CPNE2: variants seen among roughly 807,000 people sequenced by gnomAD.
CPNE2 encodes the protein copine-2.
A neutral mutation model predicts 69.7 loss-of-function variants in CPNE2; 42 were observed. The observed-to-expected ratio is 0.60, with a 90% CI of 0.47 to 0.78. CPNE2 has a LOEUF of 0.78. CPNE2 is among the 30% of genes least tolerant of loss of function. The pLI is 0.00. For synonymous variants in CPNE2, 294 were observed against 289.8 expected, an observed-to-expected ratio of 1.01 and a Z score of -0.15; for missense variants, 587 against 732.0, an observed-to-expected ratio of 0.80 and a Z score of 2.29.
rs1022853121 is a variant in CPNE2 at position 57,130,530 on chromosome 16, C to T, written c.1116+2627C>T. ...GCATTTATTGGGCCCTTAGAATGTT[C>T]TAGATACCACTCTGCCTGCTTTACC... On this transcript the variant is annotated intron_variant, in intron 12 of 15. Coordinates refer to ENST00000290776, the MANE Select transcript of CPNE2 (RefSeq NM_152727.6). The surrounding 1 kb of genome is among the most constrained non-coding windows in gnomAD (Gnocchi z 4.1). Among the ~76,000 whole-genome samples the T allele has an allele frequency of 6.6e-6, 1 of 151,998 alleles. No individual in the cohort carries two copies. Among genetic ancestry groups the T allele is most frequent in the Non-Finnish European group, 1.5e-5 (1 of 67,998 alleles).
At position 57,112,432 on chromosome 16, in the gene CPNE2, C is replaced by A. The variant is rs566898614; in HGVS notation, c.181-856C>A. Among the ~76,000 whole-genome samples the A allele has an allele frequency of 1.3e-4, 20 of 152,052 alleles. 1 individual carries two copies. In the South Asian group the frequency reaches 3.9e-3, roughly 30 times the overall value. On this transcript the variant is annotated intron_variant, in intron 2 of 15. Transcript: ENST00000290776. ...CACAATCCCCCACCCTCCCTGACAA[C>A]CTCTGCCCCCACCCAGGCCAGCCAC... is the stretch of plus-strand genomic sequence containing the variant.
chr16:57,116,354 ACAACCTCCCC>A (rs1465091182), intron 4 of CPNE2, among the ~76,000 whole-genome samples: 7 of 151,834 alleles, frequency 4.6e-5, no homozygotes, highest in Admixed American at 2.6e-4. Context: ...CACCTCCCAA[ACAACCTCCCC>A]CAACCTCTTG....
chr16:57,120,301 G>A (rs1361663370), intron 7 of CPNE2, among the ~76,000 whole-genome samples: 6 of 151,054 alleles, frequency 4.0e-5, no homozygotes, highest in Admixed American at 2.0e-4. Context: ...TAGGCCGGGC[G>A]CGGTGGCTCA....
chr16:57,121,089 C>T lies in CPNE2; in HGVS notation c.682-4C>T, dbSNP rs1369419498. 1 of 1,612,146 alleles carries T rather than the reference C, an allele frequency of 6.2e-7. No homozygotes were observed. The highest frequency in any genetic ancestry group is 1.1e-5 in the South Asian group (1 of 90,814). On this transcript the variant is annotated splice_region_variant and splice_polypyrimidine_tract_variant and intron_variant, in intron 7 of 15. Coordinates refer to ENST00000290776, the MANE Select transcript of CPNE2 (RefSeq NM_152727.6). ...CTGGGGTGACCGTGCTGAACCCACCCCAGGTCATGTGCTACGACTATGACA... is the reference window on the plus strand; with the variant it reads ...CTGGGGTGACCGTGCTGAACCCACCTCAGGTCATGTGCTACGACTATGACA...
At chr16:57,125,111 C>T (rs1451018482) in intron 10 of CPNE2, 1 of 336,820 alleles carries the variant, frequency 3.0e-6, no homozygotes, top group Non-Finnish European at 6.0e-6. Context: ...ACTTCTAACC[C>T]TCCCCTGCTG....
Position 57,147,980 on chromosome 16 carries a change from A to C in CPNE2, c.*322A>C, listed in dbSNP as rs2069972719. The C allele has an allele frequency of 4.3e-6, 1 of 230,158 alleles. No individual in the cohort carries two copies. The highest frequency in any genetic ancestry group is 8.4e-6 in the Non-Finnish European group (1 of 119,496). 14.3% of individuals were successfully genotyped at this position (230,158 alleles called of 1,614,324 possible). On this transcript the variant is annotated 3_prime_UTR_variant, in exon 16 of 16. Transcript: ENST00000290776. ...TTACAATCATAACTGGCTTTTTCCA[A>C]GTAACTAGCTGCAGACTCTGATGAA...
At chr16:57,114,667 C>T (rs1258620175) in intron 3 of CPNE2, among the ~76,000 whole-genome samples, 9 of 152,138 alleles carry the variant, frequency 5.9e-5, no homozygotes, top group African/African-American at 1.7e-4. Context: ...CCAGGAAGCA[C>T]GAACCATGCT....
In CPNE2 at chr16:57,104,485, T is replaced by G. The variant is rs568609772; in HGVS notation, c.-35-6223T>G. Among the ~76,000 whole-genome samples the G allele has an allele frequency of 7.9e-5, 12 of 152,332 alleles. No individual in the cohort carries two copies. The East Asian group carries it at 2.3e-3, about 29-fold the overall frequency. On this transcript the variant is annotated intron_variant, in intron 1 of 15. Coordinates refer to ENST00000290776, the MANE Select transcript of CPNE2 (RefSeq NM_152727.6). ...AGACCCTAGGGTTTGAGAAGCTGCC[T>G]GTGATTCTCTCAAGTGATGTGTGCA... is the stretch of plus-strand genomic sequence containing the variant.
chr16:57,100,472 C>G (rs930842043), intron 1 of CPNE2, among the ~76,000 whole-genome samples: 1 of 152,210 alleles, frequency 6.6e-6, no homozygotes, highest in African/African-American at 2.4e-5. Flanking sequence ...ATCTGCAGTG[C>G]GTCAAGCATT....
intron 12 of CPNE2, among the ~76,000 whole-genome samples, chr16:57,131,531 G>T (rs1159028369): frequency 6.6e-6 from 1 of 152,240 alleles, no homozygotes; most frequent in Non-Finnish European, 1.5e-5. Context: ...ACACCAGCCA[G>T]CTTTCAAAGA....
At chr16:57,138,409 T>A (rs2069898310) in intron 14 of CPNE2, among the ~76,000 whole-genome samples, 1 of 151,998 alleles carries the variant, frequency 6.6e-6, no homozygotes, top group East Asian at 1.9e-4. Context: ...CACTGGAGGG[T>A]CAGATCCAGC....
intron 10 of CPNE2, chr16:57,124,209 G>A: frequency 6.0e-6 from 2 of 333,606 alleles, no homozygotes; most frequent in South Asian, 2.3e-5. Flanking sequence ...AGCTTCCTGA[G>A]TAGCTGGGAT....
At chr16:57,147,262 G>A (rs2069965370) in intron 15 of CPNE2, 1 of 319,262 alleles carries the variant, frequency 3.1e-6, no homozygotes, top group Admixed American at 4.9e-5. Context: ...GGACACATAG[G>A]TGCTTCCCGC....
chr16:57,128,248 G>A (rs1197804588), intron 12 of CPNE2, among the ~76,000 whole-genome samples: 1 of 152,076 alleles, frequency 6.6e-6, no homozygotes, highest in East Asian at 1.9e-4. Context: ...TATTTATTTA[G>A]AGACAGAGTC....
In CPNE2 at chr16:57,125,999, G is replaced by A. The variant is rs748521195; in HGVS notation, c.1061+6G>A. The A allele has an allele frequency of 6.2e-7, 1 of 1,614,008 alleles. No individual in the cohort carries two copies. The highest frequency in any genetic ancestry group is 1.7e-5 in the Admixed American group (1 of 60,010). On this transcript the variant is annotated splice_donor_region_variant and intron_variant, in intron 11 of 15. Transcript: ENST00000290776. The stretch of plus-strand genomic sequence containing the variant: ...ATCATTCAGGACTACGACAGGTAAG[G>A]TTGGAGAGGGGCTCTGAAGGTCAGC...
chr16:57,109,244 G>A (rs1215041085), intron 1 of CPNE2, among the ~76,000 whole-genome samples: 1 of 152,202 alleles, frequency 6.6e-6, no homozygotes, highest in African/African-American at 2.4e-5. Flanking sequence ...GGGAGACCCA[G>A]GTGGGTGGAT....
At position 57,146,748 on chromosome 16, in the gene CPNE2, A is replaced by C; in HGVS notation, c.1539+427A>C. On this transcript the variant is annotated intron_variant, in intron 15 of 15. Coordinates refer to ENST00000290776, the MANE Select transcript of CPNE2 (RefSeq NM_152727.6). The surrounding 1 kb of genome is among the most constrained non-coding windows in gnomAD (Gnocchi z 4.4). ...AAGGCCTCCCAGTCATCTTAGGTTG[A>C]CCTCCTCTCCCTAAAGCCCTCTGCC... 5 of 175,686 alleles carry C rather than the reference A, an allele frequency of 2.8e-5. No individual in the cohort carries two copies. Among genetic ancestry groups the C allele is most frequent in the South Asian group, 2.3e-4 (2 of 8,520 alleles). The allele number at this position is 175,686 out of a possible 1,614,324, so 10.9% of individuals were successfully genotyped here. A position where few individuals can be genotyped will look rare whatever the true frequency, so the allele number is the denominator to read the frequency against.
intron 6 of CPNE2, 65 bp from the exon 7 acceptor site, chr16:57,119,496 C>A (rs1771586247): frequency 1.4e-6 from 2 of 1,420,846 alleles, no homozygotes; most frequent in Admixed American, 1.9e-5. Flanking sequence ...CCCCATTGGG[C>A]TGACCCAACC....
intron 14 of CPNE2, chr16:57,141,019 A>C (rs2069918647): frequency 6.6e-6 from 1 of 152,262 alleles, no homozygotes; most frequent in Non-Finnish European, 1.5e-5. Context: ...CACCCTGAGC[A>C]GGCTTTCAAA....
Sources: allele counts gnomAD v4.1 joint callset (sites outside exome capture counted in the v4.1 genomes callset), GRCh38; gene constraint gnomAD v4.1.1; non-coding constraint Gnocchi (gnomAD v3.1); transcripts MANE v1.5; gene names NCBI Gene and HGNC (gene_info 2026-07-23, HGNC 2026-07-21).